Variants in FGD5 observed in about 807,000 individuals in gnomAD.
FGD5 encodes the protein FYVE, RhoGEF and PH domain-containing protein 5.
Under a neutral mutation model 133.4 loss-of-function variants are expected in FGD5, and 28 were observed. The ratio of observed to expected loss-of-function variants is 0.21; its 90% CI spans 0.16 to 0.29. The LOEUF (loss-of-function observed/expected upper bound fraction) is 0.29, where lower values mean the gene tolerates loss of function less well. Among genes scored for constraint, FGD5 ranks in the 10% least tolerant of loss-of-function variants. The pLI, the probability that FGD5 is intolerant of heterozygous loss-of-function variation, is 1.00. For missense variants in FGD5, 1,858 were observed against 1,895.2 expected (o/e 0.98, Z 0.36); for synonymous variants, 810 against 776.5 (o/e 1.04, Z -0.72).
intron 1 of FGD5, among the ~76,000 whole-genome samples, chr3:14,844,202 AT>A (rs2036982129): frequency 3.5e-5 from 1 of 28,194 alleles, no homozygotes; most frequent in Non-Finnish European, 7.4e-5. Flanking sequence ...CTTAATAGGC[AT>A]TAAAAAAAAA....
At position 14,934,522 on chromosome 3, in the gene FGD5, AG is replaced by A. The variant is rs1326691770; in HGVS notation, c.*1356del. 2.6e-5 allele frequency: 4 copies of A among 152,114 alleles called. No homozygotes were observed. The highest frequency in any genetic ancestry group is 5.9e-5 in the Non-Finnish European group (4 of 68,012). 9.4% of individuals were successfully genotyped at this position (152,114 alleles called of 1,614,324 possible). On this transcript the variant is annotated 3_prime_UTR_variant, in exon 20 of 20. Transcript: ENST00000285046. ...AGGGGAATTTTTTTTTCCAGTTTGC[AG>A]TTCTTTTAAAATGTTTGCATTAAAC...
intron 2 of FGD5, among the ~76,000 whole-genome samples, chr3:14,872,138 A>G (rs939118055): frequency 7.2e-5 from 11 of 152,240 alleles, no homozygotes; most frequent in Admixed American, 3.3e-4. Context: ...GGGAGATGCC[A>G]CAGAAGAAGC....
In FGD5 at chr3:14,901,013, C is replaced by G. The variant is rs377001972; in HGVS notation, c.3216C>G (p.Ser1072Arg). 4 of 1,613,898 alleles carry G rather than the reference C, an allele frequency of 2.5e-6. No individual in the cohort carries two copies. The highest frequency in any genetic ancestry group is 3.4e-6 in the Non-Finnish European group (4 of 1,179,886). The part of the protein sequence containing the change: ...AEYDNTQGAL[S>R]LISKVTDRAN... ...TGTGTCCCTCCCCAGGTGCACTGAG[C>G]CTCATCTCCAAAGTCACAGACCGTG... The change falls in exon 9 of 20, where the codon AGC becomes AGG. Residue 1072 changes from serine (S) to arginine (R), a missense_variant. Coordinates refer to ENST00000285046, the MANE Select transcript of FGD5 (RefSeq NM_152536.4).
chr3:14,828,870 G>A (rs959178130), intron 1 of FGD5, among the ~76,000 whole-genome samples: 1 of 143,604 alleles, frequency 7.0e-6, no homozygotes, highest in Non-Finnish European at 1.5e-5. Context: ...TGCCTGTGCT[G>A]GAGTGCAATG....
At chr3:14,931,639 T>A (rs1209445243) in intron 18 of FGD5, 1 of 152,268 alleles carries the variant, frequency 6.6e-6, no homozygotes, top group Admixed American at 6.5e-5. Flanking sequence ...AAAAATGTCT[T>A]TACCTATATA....
intron 2 of FGD5, among the ~76,000 whole-genome samples, chr3:14,874,966 G>A (rs2037686755): frequency 6.6e-6 from 1 of 152,040 alleles, no homozygotes; most frequent in Non-Finnish European, 1.5e-5. Flanking sequence ...ACTCTCCTCC[G>A]CCTCCTCTTC....
Position 14,924,110 on chromosome 3 carries a change from A to G in FGD5, c.4040A>G (p.Gln1347Arg). 5 of 1,614,000 alleles carry G rather than the reference A, an allele frequency of 3.1e-6. No homozygotes were observed. Among genetic ancestry groups the G allele is most frequent in the Non-Finnish European group, 3.4e-6 (4 of 1,179,884 alleles). The change falls in exon 17 of 20, where the codon CAG (glutamine) becomes CGG (arginine). Residue 1347 changes from glutamine (Q) to arginine (R), a missense_variant. By Grantham distance (43) the Gln-to-Arg change is conservative. Transcript: ENST00000285046. ...QSINPSTFKK[Q>R]KKVPSALTEV... ...ATTAACCCCTCGACCTTCAAGAAGC[A>G]GAAGAAAGTCCCTTCAGCCCTGACA...
At position 14,917,424 on chromosome 3, in the gene FGD5, C is replaced by A; in HGVS notation, c.3489+92C>A. The A allele has an allele frequency of 8.3e-7, 1 of 1,198,348 alleles. No individual in the cohort carries two copies. Among genetic ancestry groups the A allele is most frequent in the South Asian group, 1.4e-5 (1 of 72,398 alleles). The allele number at this position is 1,198,348 out of a possible 1,614,324, so 74.2% of individuals were successfully genotyped here. A position where few individuals can be genotyped will look rare whatever the true frequency, so the allele number is the denominator to read the frequency against. On this transcript the variant is annotated intron_variant, in intron 12 of 19. Transcript: ENST00000285046. The surrounding 1 kb of genome is among the most constrained non-coding windows in gnomAD (Gnocchi z 4.1). ...CATCCTGCTCCCAGGAGCACCCAGA[C>A]CAGCTGGAAGAGGGAGGCCCTGCGG...
intron 2 of FGD5, among the ~76,000 whole-genome samples, chr3:14,876,866 G>T (rs2037729409): frequency 6.6e-6 from 1 of 152,216 alleles, no homozygotes. Context: ...CCGGATTCTT[G>T]ACTCTTTGTG....
intron 4 of FGD5, among the ~76,000 whole-genome samples, chr3:14,888,632 G>A (rs1006287748): frequency 6.6e-6 from 1 of 152,226 alleles, no homozygotes; most frequent in Non-Finnish European, 1.5e-5. Context: ...TGAGATTAGA[G>A]TAGCGCCCTT....
At chr3:14,839,966 AGT>A (rs2036887910) in intron 1 of FGD5, among the ~76,000 whole-genome samples, 1 of 145,510 alleles carries the variant, frequency 6.9e-6, no homozygotes, top group Non-Finnish European at 1.5e-5. Context: ...ACAAACAAAC[AGT>A]GTTTTACAAA....
At chr3:14,892,226 G>A (rs2038043808) in intron 4 of FGD5, among the ~76,000 whole-genome samples, 3 of 151,274 alleles carry the variant, frequency 2.0e-5, no homozygotes, top group Admixed American at 6.6e-5. Context: ...TTTTGAGACA[G>A]GGTCTAGCTC....
intron 2 of FGD5, among the ~76,000 whole-genome samples, chr3:14,864,462 A>G (rs2037457254): frequency 2.0e-5 from 3 of 152,218 alleles, no homozygotes; most frequent in African/African-American, 4.8e-5. Context: ...TGCAAGGGCA[A>G]CTGCTCATGC....
At chr3:14,824,325 A>T (rs1683658967) in intron 1 of FGD5, among the ~76,000 whole-genome samples, 1 of 152,118 alleles carries the variant, frequency 6.6e-6, no homozygotes. Flanking sequence ...GTTTGCCTGA[A>T]TAGGGGCTTT....
Position 14,821,495 on chromosome 3 carries a change from C to T in FGD5, c.2424C>T (p.Ser808=), listed in dbSNP as rs760622779. 4.3e-6 allele frequency: 7 copies of T among 1,614,018 alleles called. No individual in the cohort carries two copies. In the South Asian group the frequency reaches 6.6e-5, roughly 15 times the overall value. ...GAFTKLFEDQ[S]RALSTANEND... ...TCACGAAGCTGTTTGAAGATCAGAGCAGAGCCCTGTCCACAGCAAACGAAA... is the reference window on the plus strand; with the variant it reads ...TCACGAAGCTGTTTGAAGATCAGAGTAGAGCCCTGTCCACAGCAAACGAAA... Residue 808 remains serine (S), a synonymous_variant, in exon 1 of 20, where the codon AGC becomes AGT. Transcript: ENST00000285046.
At chr3:14,895,286 A>G (rs1033542135) in intron 4 of FGD5, among the ~76,000 whole-genome samples, 8 of 152,246 alleles carry the variant, frequency 5.3e-5, no homozygotes, top group Admixed American at 2.6e-4. Flanking sequence ...CCCTAGTCCA[A>G]TGTTCTAGGG....
At chr3:14,831,084 A>G (rs140515196) in intron 1 of FGD5, among the ~76,000 whole-genome samples, 3 of 152,278 alleles carry the variant, frequency 2.0e-5, no homozygotes, top group Admixed American at 1.3e-4. Flanking sequence ...CAGACATCCC[A>G]AGGGGAAGGG....
intron 2 of FGD5, among the ~76,000 whole-genome samples, chr3:14,878,554 G>T (rs931123713): frequency 1.3e-5 from 2 of 152,166 alleles, no homozygotes; most frequent in African/African-American, 4.8e-5. Flanking sequence ...CCAAGTGTGA[G>T]AGATTCTCTA....
chr3:14,818,910 A>T, upstream of FGD5: 1 of 1,427,428 alleles, frequency 7.0e-7, no homozygotes, highest in East Asian at 2.6e-5. Context: ...GAATGGCAAT[A>T]AAGTTAATTG....
Sources: gnomAD v4.1 joint callset for allele counts (sites outside exome capture counted in the v4.1 genomes callset) on GRCh38, gnomAD v4.1.1 for gene constraint, Gnocchi (gnomAD v3.1) non-coding constraint, MANE v1.5 for transcripts, NCBI Gene and HGNC (gene_info 2026-07-23, HGNC 2026-07-21) for gene names.